Variants in SLC9B2 observed in about 807,000 individuals in gnomAD.
SLC9B2 encodes the protein sodium/hydrogen exchanger 9B2.
In SLC9B2, 39 loss-of-function variants were observed where a neutral mutation model predicts 52.2. That is an observed-to-expected ratio of 0.75 (90% CI 0.58 to 0.98). SLC9B2 has a LOEUF of 0.98. SLC9B2 is among the 50% of genes least tolerant of loss of function. The probability of loss-of-function intolerance (pLI) is 0.00; values close to 1 mark genes in which losing one functional copy is unlikely to be tolerated. For missense variants in SLC9B2, 626 were observed against 637.5 expected, an observed-to-expected ratio of 0.98 and a Z score of 0.19; for synonymous variants, 214 against 227.0, an observed-to-expected ratio of 0.94 and a Z score of 0.51.
chr4:103,069,379 G>A (rs1746421742), intron 1 of SLC9B2, among the ~76,000 whole-genome samples: 1 of 152,158 alleles, frequency 6.6e-6, no homozygotes, highest in African/African-American at 2.4e-5. Context: ...TGACAAGATG[G>A]GCTGGGTTCG....
intron 3 of SLC9B2, among the ~76,000 whole-genome samples, chr4:103,063,675 A>T (rs1745859982): frequency 6.6e-6 from 1 of 152,214 alleles, no homozygotes; most frequent in African/African-American, 2.4e-5. Context: ...AATATAGGCA[A>T]CAAAAGCAAG....
rs766674486 is a variant in SLC9B2 at position 103,031,780 on chromosome 4, G to A, written c.1175C>T (p.Ala392Val). The change falls in exon 10 of 12, where the codon GCC becomes GTC. Residue 392 changes from alanine to valine, a missense_variant. Physicochemically the swap from Ala to Val is moderately conservative, Grantham distance 64 (BLOSUM62 0). Transcript: ENST00000394785. ...KAEVEKIIAV[A>V]WDIFQPLLFG... ...AAGAAGGGGCTGAAAAATGTCCCAG[G>A]CAACTGCAATTATCTTTTCAACCTC... 5.0e-6 allele frequency: 8 copies of A among 1,612,572 alleles called. 1 individual carries two copies. In the East Asian group the frequency reaches 6.7e-5, roughly 14 times the overall value.
At chr4:103,046,741 A>G (rs1744167813) in intron 7 of SLC9B2, among the ~76,000 whole-genome samples, 1 of 152,118 alleles carries the variant, frequency 6.6e-6, no homozygotes. Flanking sequence ...TGAAGTCTCC[A>G]CACATCTTTT....
Position 103,067,547 on chromosome 4 carries a change from C to T in SLC9B2, c.4G>A (p.Gly2Arg). 2 of 1,606,522 alleles carry T rather than the reference C, an allele frequency of 1.2e-6. No homozygotes were observed. Among genetic ancestry groups the T allele is most frequent in the Non-Finnish European group, 1.7e-6 (2 of 1,173,688 alleles). ...TATGTAATTCTTTTATCTTCATCCC[C>T]CATTATTTATAATTAAGAAGATGAC... M[G>R]DEDKRITYED... Residue 2 changes from glycine to arginine, a missense_variant, in exon 2 of 12, where the codon GGG becomes AGG. Physicochemically the swap from Gly to Arg is moderately radical, Grantham distance 125 (BLOSUM62 -2). Coordinates refer to ENST00000394785, the MANE Select transcript of SLC9B2 (RefSeq NM_178833.7).
At chr4:103,062,074 T>C (rs554644372) in intron 3 of SLC9B2, among the ~76,000 whole-genome samples, 1 of 152,342 alleles carries the variant, frequency 6.6e-6, no homozygotes, top group Admixed American at 6.5e-5. Context: ...AATTATACTT[T>C]ATCATAGCAT....
chr4:103,050,715 C>G (rs1026525210), intron 4 of SLC9B2, among the ~76,000 whole-genome samples: 1 of 152,204 alleles, frequency 6.6e-6, no homozygotes, highest in Non-Finnish European at 1.5e-5. Context: ...TGCGTGCAAA[C>G]AGCAAACAGC....
Position 103,055,634 on chromosome 4 carries a change from TCTCA to T in SLC9B2, c.442+2163_442+2166del, listed in dbSNP as rs144689246. 2.8e-3 allele frequency among the ~76,000 whole-genome samples: 432 copies of T among 152,048 alleles called. 3 individuals are homozygous for T. Among genetic ancestry groups the T allele is most frequent in the African/African-American group, 0.01 (419 of 41,484 alleles). On this transcript the variant is annotated intron_variant, in intron 4 of 11. Transcript: ENST00000394785. ...GTGAATGTTAGCGAATCCTGATTGTTCTCACTCATACAGCTAACAGAAAAAAAAA... is the reference window on the plus strand; with the variant it reads ...GTGAATGTTAGCGAATCCTGATTGTTCTCATACAGCTAACAGAAAAAAAAA...
At chr4:103,052,407 G>A (rs1744769268) in intron 4 of SLC9B2, among the ~76,000 whole-genome samples, 1 of 152,196 alleles carries the variant, frequency 6.6e-6, no homozygotes, top group South Asian at 2.1e-4. Context: ...TGTCCATATG[G>A]AGCTTATATA....
rs767826338 is a variant in SLC9B2, at chr4:103,028,867, G to A, written c.1272C>T (p.Thr424=). 37 of 1,591,372 alleles carry A rather than the reference G, an allele frequency of 2.3e-5. No individual in the cohort carries two copies. The highest frequency in any genetic ancestry group is 1.6e-4 in the South Asian group (14 of 86,750). ...RPETVGLCVA[T]VGIAVLIRIL... ...TTCGTATCAATACTGCAATGCCTAC[G>A]GTGGCAACACAAAGGCCTGTAAGAA... The change falls in exon 11 of 12, where the codon ACC becomes ACT. Residue 424 remains threonine (T), a synonymous_variant. Transcript: ENST00000394785.
chr4:103,055,839 G>A (rs891012018), intron 4 of SLC9B2, among the ~76,000 whole-genome samples: 13 of 143,590 alleles, frequency 9.1e-5, no homozygotes, highest in African/African-American at 2.3e-4. Context: ...ATTCTCGCTC[G>A]GTCACCCAGG....
rs1303124037 is a variant in SLC9B2, at chr4:103,045,015, AAACTT to A, written c.890-24_890-20del. On this transcript the variant is annotated intron_variant, in intron 7 of 11. Coordinates refer to ENST00000394785, the MANE Select transcript of SLC9B2 (RefSeq NM_178833.7). ...GTAGAGCCTGAAAAATATATTAAAA[AAACTT>A]AGAGCTCTAAATCCAACAAATACAC... is the stretch of plus-strand genomic sequence containing the variant. 2.6e-6 allele frequency: 4 copies of A among 1,548,740 alleles called. No individual in the cohort carries two copies. The highest frequency in any genetic ancestry group is 3.6e-6 in the Non-Finnish European group (4 of 1,123,464).
chr4:103,068,564 T>C (rs377445522), intron 1 of SLC9B2, among the ~76,000 whole-genome samples: 9 of 152,240 alleles, frequency 5.9e-5, no homozygotes, highest in African/African-American at 1.2e-4. Flanking sequence ...ATAAGTAAGA[T>C]AGGAGAAGCT....
In SLC9B2 at chr4:103,045,013, A is replaced by G; in HGVS notation, c.890-17T>C. The G allele has an allele frequency of 1.9e-6, 3 of 1,552,664 alleles. No individual in the cohort carries two copies. The highest frequency in any genetic ancestry group is 2.7e-6 in the Non-Finnish European group (3 of 1,126,998). On this transcript the variant is annotated splice_polypyrimidine_tract_variant and intron_variant, in intron 7 of 11. Coordinates refer to ENST00000394785, the MANE Select transcript of SLC9B2 (RefSeq NM_178833.7). Reference sequence around the variant, plus strand: ...CAGTAGAGCCTGAAAAATATATTAAAAAAACTTAGAGCTCTAAATCCAACA... The same window carrying G: ...CAGTAGAGCCTGAAAAATATATTAAGAAAACTTAGAGCTCTAAATCCAACA...
Position 103,044,936 on chromosome 4 carries a change from C to A in SLC9B2, c.950G>T (p.Gly317Val). Reference protein sequence around the residue: ...VLEVVIGVATGSVLGFFIQYF... With the variant: ...VLEVVIGVATVSVLGFFIQYF... Reference sequence around the variant, plus strand: ...CTGAATGAAAAATCCAAGAACAGATCCAGTTGCCACACCAATTACCACCTC... The same window carrying A: ...CTGAATGAAAAATCCAAGAACAGATACAGTTGCCACACCAATTACCACCTC... The change falls in exon 8 of 12, where the codon GGA becomes GTA. Residue 317 changes from glycine to valine, a missense_variant. Gly to Val is a moderately radical substitution (Grantham distance 109, BLOSUM62 -3). Transcript: ENST00000394785. 1.2e-6 allele frequency: 2 copies of A among 1,613,868 alleles called. No individual in the cohort carries two copies. Among genetic ancestry groups the A allele is most frequent in the South Asian group, 2.2e-5 (2 of 91,064 alleles).
intron 4 of SLC9B2, among the ~76,000 whole-genome samples, chr4:103,057,273 T>TATAC (rs1220375909): frequency 0.012 from 1,664 of 143,024 alleles, 15 homozygotes; most frequent in Non-Finnish European, 0.019. Flanking sequence ...TATATATATA[T>TATAC]ACACACACAC....
In SLC9B2 at chr4:103,066,369, C is replaced by T; in HGVS notation, c.229G>A (p.Ala77Thr). 1 of 1,614,014 alleles carries T rather than the reference C, an allele frequency of 6.2e-7. No homozygotes were observed. Among genetic ancestry groups the T allele is most frequent in the Non-Finnish European group, 8.5e-7 (1 of 1,179,930 alleles). ...TCCAGTAAACCATGTGGAGGGCAAG[C>T]CAGCATTTGTCTCAGTCTTTGTACG... The part of the protein sequence containing the change: ...NHVQRLRQML[A>T]CPPHGLLDRV... The change falls in exon 3 of 12, where the codon GCT becomes ACT. Residue 77 changes from alanine (A) to threonine (T), a missense_variant. Physicochemically the swap from Ala to Thr is moderately conservative, Grantham distance 58 (BLOSUM62 0). Coordinates refer to ENST00000394785, the MANE Select transcript of SLC9B2 (RefSeq NM_178833.7).
intron 11 of SLC9B2, among the ~76,000 whole-genome samples, chr4:103,026,932 A>C (rs1195320589): frequency 1.3e-5 from 2 of 152,140 alleles, no homozygotes; most frequent in Non-Finnish European, 2.9e-5. Context: ...TTTTAGAGAC[A>C]GGGTCTCGCT....
downstream of SLC9B2, among the ~76,000 whole-genome samples, chr4:103,018,628 A>G (rs1208422859): frequency 6.6e-6 from 1 of 151,000 alleles, no homozygotes; most frequent in Non-Finnish European, 1.5e-5. Flanking sequence ...CCACATCACC[A>G]AATCTGTTAT....
intron 9 of SLC9B2, among the ~76,000 whole-genome samples, chr4:103,042,805 A>G (rs746933759): frequency 2.6e-5 from 4 of 151,648 alleles, no homozygotes; most frequent in Admixed American, 6.6e-5. Flanking sequence ...AATATATACT[A>G]TATTTTATTT....
Sources: gnomAD v4.1 joint callset for allele counts (sites outside exome capture counted in the v4.1 genomes callset) on GRCh38, gnomAD v4.1.1 for gene constraint, MANE v1.5 for transcripts, NCBI Gene and HGNC (gene_info 2026-07-23, HGNC 2026-07-21) for gene names.